The following TSPAN15 variants were observed in gnomAD, a reference collection of about 807,000 sequenced individuals.
TSPAN15 encodes the protein tetraspanin-15.
In TSPAN15, 20 loss-of-function variants were observed where a neutral mutation model predicts 34.5. The ratio of observed to expected loss-of-function variants is 0.58; its 90% CI spans 0.41 to 0.84. TSPAN15 has a LOEUF of 0.84. Among genes scored for constraint, TSPAN15 ranks in the 40% least tolerant of loss-of-function variants. The pLI is 0.00. For missense variants in TSPAN15, 313 were observed against 386.1 expected (o/e 0.81, Z 1.59); for synonymous variants, 155 against 153.9 (o/e 1.01, Z -0.05).
the TSPAN15 span, among the ~76,000 whole-genome samples, chr10:69,544,582 ACGGC>A: frequency 1.3e-5 from 2 of 152,222 alleles, no homozygotes; most frequent in Non-Finnish European, 2.9e-5. Context: ...TGGCGGCTTC[ACGGC>A]CTTGCTGCCC....
intron 3 of TSPAN15, among the ~76,000 whole-genome samples, chr10:69,493,648 A>G (rs939895673): frequency 2.0e-5 from 3 of 151,830 alleles, no homozygotes; most frequent in Admixed American, 6.6e-5. Flanking sequence ...AATTTTTTGT[A>G]TTTTTAGTAG....
the TSPAN15 span, among the ~76,000 whole-genome samples, chr10:69,519,694 T>TA: frequency 2.0e-5 from 3 of 152,376 alleles, no homozygotes; most frequent in East Asian, 5.8e-4. Context: ...GAATTTTTTT[T>TA]ATTGTGCTAA....
chr10:69,477,852 G>A (rs754138212), intron 1 of TSPAN15, among the ~76,000 whole-genome samples: 3 of 152,194 alleles, frequency 2.0e-5, no homozygotes, highest in African/African-American at 7.2e-5. Flanking sequence ...AGCCTAGTCT[G>A]TAAAACGAGA....
chr10:69,540,458 T>C, the TSPAN15 span, among the ~76,000 whole-genome samples: 1 of 152,138 alleles, frequency 6.6e-6, no homozygotes, highest in African/African-American at 2.4e-5. Context: ...TGGCCACTGC[T>C]TGTAGGCAAG....
At chr10:69,495,801 G>T in intron 4 of TSPAN15, 112 bp downstream of exon 4, 2 of 755,846 alleles carry the variant, frequency 2.6e-6, no homozygotes, top group Admixed American at 2.3e-5. Flanking sequence ...CATTCCCAAA[G>T]CAGGTGGCTG....
At chr10:69,537,583 C>T in the TSPAN15 span, among the ~76,000 whole-genome samples, 2 of 152,268 alleles carry the variant, frequency 1.3e-5, no homozygotes, top group Admixed American at 6.5e-5. Flanking sequence ...CTTCACATGG[C>T]GTTTCCCCTT....
At chr10:69,472,480 A>C (rs1841527433) in intron 1 of TSPAN15, among the ~76,000 whole-genome samples, 1 of 152,282 alleles carries the variant, frequency 6.6e-6, no homozygotes, top group South Asian at 2.1e-4. Flanking sequence ...CTCTCACCAG[A>C]CAGAGCTCCT....
chr10:69,508,006 G>A (rs1430775470), downstream of TSPAN15, among the ~76,000 whole-genome samples: 1 of 152,172 alleles, frequency 6.6e-6, no homozygotes, highest in African/African-American at 2.4e-5. Context: ...AATGGCTGCC[G>A]CGCAACGCAT....
downstream of TSPAN15, among the ~76,000 whole-genome samples, chr10:69,509,570 A>C (rs1416129359): frequency 1.3e-5 from 2 of 152,094 alleles, no homozygotes; most frequent in Non-Finnish European, 2.9e-5. Flanking sequence ...TTTGCTGTGC[A>C]GAAGCTCTTT....
the TSPAN15 span, among the ~76,000 whole-genome samples, chr10:69,536,079 A>G: frequency 5.9e-5 from 9 of 152,346 alleles, 1 homozygote; most frequent in Admixed American, 2.0e-4. Flanking sequence ...TACAGGATTG[A>G]GGAAGCCACC....
At chr10:69,547,802 C>T in the TSPAN15 span, among the ~76,000 whole-genome samples, 1 of 152,184 alleles carries the variant, frequency 6.6e-6, no homozygotes, top group African/African-American at 2.4e-5. Context: ...GGCCTTCTAC[C>T]CTGATGACTT....
the TSPAN15 span, among the ~76,000 whole-genome samples, chr10:69,532,597 A>G: frequency 6.6e-6 from 1 of 152,248 alleles, no homozygotes; most frequent in Non-Finnish European, 1.5e-5. Flanking sequence ...ACATCGGACA[A>G]ACCCTTATAG....
At chr10:69,466,434 GA>G (rs1841386734) in intron 1 of TSPAN15, among the ~76,000 whole-genome samples, 2 of 152,266 alleles carry the variant, frequency 1.3e-5, no homozygotes, top group South Asian at 4.1e-4. Context: ...GGCCATGGGG[GA>G]ACATTTAAAC....
chr10:69,494,640 G>A (rs978503948), intron 3 of TSPAN15: 1 of 985,290 alleles, frequency 1.0e-6, no homozygotes, highest in South Asian at 4.7e-5. Flanking sequence ...CTGAGGCCCA[G>A]AGAGGAGAAG....
In TSPAN15 at chr10:69,471,031, C is replaced by T. The variant is rs138606682; in HGVS notation, c.97-12660C>T. ...ATGTCACCCTCCCTGGCCACACTGACGGCCCCTTTCCCCAGCTTCCCTAGC... is the reference window on the plus strand; with the variant it reads ...ATGTCACCCTCCCTGGCCACACTGATGGCCCCTTTCCCCAGCTTCCCTAGC... On this transcript the variant is annotated intron_variant, in intron 1 of 7. Coordinates refer to ENST00000373290, the MANE Select transcript of TSPAN15 (RefSeq NM_012339.5). Among the ~76,000 whole-genome samples, 640 of 152,290 alleles carry T rather than the reference C, an allele frequency of 4.2e-3. 5 individuals are homozygous for T. The highest frequency in any genetic ancestry group is 0.014 in the African/African-American group (577 of 41,544).
chr10:69,530,254 G>A, the TSPAN15 span, among the ~76,000 whole-genome samples: 6 of 147,620 alleles, frequency 4.1e-5, 1 homozygote, highest in African/African-American at 1.5e-4. Flanking sequence ...CAGTCACATG[G>A]TACCCTAACA....
At chr10:69,457,965 C>T in intron 1 of TSPAN15, among the ~76,000 whole-genome samples, 1 of 152,188 alleles carries the variant, frequency 6.6e-6, no homozygotes, top group Non-Finnish European at 1.5e-5. Context: ...GTTAAAGACA[C>T]CTCTAGTGCA....
intron 1 of TSPAN15, among the ~76,000 whole-genome samples, chr10:69,464,052 C>T (rs1039710954): frequency 8.5e-5 from 13 of 152,160 alleles, no homozygotes; most frequent in South Asian, 2.1e-4. Flanking sequence ...TGAGTATACA[C>T]GGCCTTCTGT....
intron 1 of TSPAN15, among the ~76,000 whole-genome samples, chr10:69,464,634 C>T (rs770353824): frequency 6.6e-6 from 1 of 152,216 alleles, no homozygotes; most frequent in Admixed American, 6.5e-5. Context: ...GATTCCCTGA[C>T]AGCTTCAGAA....
Sources: gnomAD v4.1 joint callset for allele counts (sites outside exome capture counted in the v4.1 genomes callset) on GRCh38, gnomAD v4.1.1 for gene constraint, MANE v1.5 for transcripts, NCBI Gene and HGNC (gene_info 2026-07-23, HGNC 2026-07-21) for gene names.